The following SORCS2 variants were observed in gnomAD, a reference collection of about 807,000 sequenced individuals.
The protein encoded by SORCS2 is VPS10 domain-containing receptor SorCS2.
In SORCS2, 100 loss-of-function variants were observed where a neutral mutation model predicts 141.6. The ratio of observed to expected loss-of-function variants is 0.71; its 90% CI spans 0.60 to 0.83. SORCS2 has a LOEUF of 0.83. Ranked by LOEUF, SORCS2 falls within the 40% of genes least tolerant of loss-of-function variation. The probability of loss-of-function intolerance (pLI) is 0.00; values close to 1 mark genes in which losing one functional copy is unlikely to be tolerated. For synonymous variants in SORCS2, 789 were observed against 676.9 expected, an observed-to-expected ratio of 1.17 and a Z score of -2.57; for missense variants, 1,646 against 1,560.2, an observed-to-expected ratio of 1.05 and a Z score of -0.93.
chr4:7,207,166 T>C (rs1014551403), intron 1 of SORCS2, among the ~76,000 whole-genome samples: 2 of 152,188 alleles, frequency 1.3e-5, no homozygotes, highest in African/African-American at 4.8e-5. Flanking sequence ...GGCCTTCTAA[T>C]GGAGGGAGCC....
intron 1 of SORCS2, among the ~76,000 whole-genome samples, chr4:7,317,133 C>T (rs1339921807): frequency 6.6e-6 from 1 of 152,180 alleles, no homozygotes; most frequent in East Asian, 1.9e-4. Flanking sequence ...AGAGCTTGCT[C>T]AGTCAACATT....
chr4:7,622,684 C>T (rs1719281421), intron 3 of SORCS2, among the ~76,000 whole-genome samples: 1 of 152,104 alleles, frequency 6.6e-6, no homozygotes, highest in Non-Finnish European at 1.5e-5. Context: ...GGACGGATAT[C>T]TGTTCTTCCA....
At chr4:7,576,858 C>T (rs1172547891) in intron 3 of SORCS2, among the ~76,000 whole-genome samples, 3 of 152,166 alleles carry the variant, frequency 2.0e-5, no homozygotes, top group Non-Finnish European at 4.4e-5. Context: ...TCATGCGTGC[C>T]CCACCCAGCG....
intron 12 of SORCS2, among the ~76,000 whole-genome samples, chr4:7,700,423 G>C (rs1329182286): frequency 6.6e-6 from 1 of 152,122 alleles, no homozygotes; most frequent in Non-Finnish European, 1.5e-5. Context: ...TGAATCTGTA[G>C]GGGCCAGGCC....
intron 2 of SORCS2, among the ~76,000 whole-genome samples, chr4:7,447,021 G>T (rs1209749191): frequency 6.6e-6 from 1 of 152,218 alleles, no homozygotes; most frequent in Non-Finnish European, 1.5e-5. Flanking sequence ...TACATCCGGG[G>T]CTGGCTCTCC....
At chr4:7,528,802 C>T (rs189228729) in intron 2 of SORCS2, among the ~76,000 whole-genome samples, 6 of 151,976 alleles carry the variant, frequency 3.9e-5, no homozygotes, top group South Asian at 2.1e-4. Context: ...ACCACTGTGG[C>T]GAACTCTCTC....
intron 3 of SORCS2, among the ~76,000 whole-genome samples, chr4:7,581,279 C>A (rs1716125245): frequency 2.0e-5 from 3 of 151,730 alleles, no homozygotes; most frequent in Admixed American, 2.0e-4. Flanking sequence ...CTCAGCCTCA[C>A]TCTTAATGAA....
intron 1 of SORCS2, among the ~76,000 whole-genome samples, chr4:7,277,609 G>A (rs1347888203): frequency 1.3e-5 from 2 of 152,126 alleles, no homozygotes; most frequent in Non-Finnish European, 2.9e-5. Context: ...AGAGATGATT[G>A]GATTAGACGG....
At chr4:7,388,039 C>CCCACCAT in intron 1 of SORCS2, among the ~76,000 whole-genome samples, 1 of 148,534 alleles carries the variant, frequency 6.7e-6, no homozygotes, top group Non-Finnish European at 1.5e-5. Context: ...CGCACACATG[C>CCCACCAT]ACACACACAT....
At chr4:7,424,918 T>C (rs574977523) in intron 2 of SORCS2, among the ~76,000 whole-genome samples, 1 of 152,310 alleles carries the variant, frequency 6.6e-6, no homozygotes, top group South Asian at 2.1e-4. Flanking sequence ...GGGCAGGCAC[T>C]CTGCTCCCAG....
chr4:7,285,035 TA>T (rs200661579), intron 1 of SORCS2, among the ~76,000 whole-genome samples: 3,143 of 76,344 alleles, frequency 0.041, 46 homozygotes, highest in Admixed American at 0.059. Flanking sequence ...TATATATATA[TA>T]TTTTTTTTTT....
intron 1 of SORCS2, among the ~76,000 whole-genome samples, chr4:7,327,476 C>T (rs530924465): frequency 6.6e-6 from 1 of 152,322 alleles, no homozygotes; most frequent in South Asian, 2.1e-4. Context: ...TCTGCAAAGA[C>T]CCCATTTCCA....
At chr4:7,372,434 G>A (rs1722317520) in intron 1 of SORCS2, among the ~76,000 whole-genome samples, 1 of 152,086 alleles carries the variant, frequency 6.6e-6, no homozygotes. Flanking sequence ...AGCCTCCCAA[G>A]TAGCTGGGAT....
At chr4:7,348,719 T>C (rs996139287) in intron 1 of SORCS2, among the ~76,000 whole-genome samples, 1 of 152,160 alleles carries the variant, frequency 6.6e-6, no homozygotes, top group Non-Finnish European at 1.5e-5. Flanking sequence ...GTCTGGCTAA[T>C]TTTTTGTATT....
At chr4:7,262,088 A>AG (rs1252833196) in intron 1 of SORCS2, among the ~76,000 whole-genome samples, 1 of 152,172 alleles carries the variant, frequency 6.6e-6, no homozygotes, top group Admixed American at 6.5e-5. Context: ...GCATTCATAC[A>AG]GGGGGAAGAT....
At chr4:7,640,258 ATGTATGTGAG>A (rs1720618436) in intron 4 of SORCS2, among the ~76,000 whole-genome samples, 3 of 112,518 alleles carry the variant, frequency 2.7e-5, no homozygotes, top group South Asian at 3.0e-4. Flanking sequence ...GTGAGTGTGT[ATGTATGTGAG>A]CATGTGTGGG....
At chr4:7,268,189 A>G (rs1714876638) in intron 1 of SORCS2, among the ~76,000 whole-genome samples, 1 of 152,164 alleles carries the variant, frequency 6.6e-6, no homozygotes, top group Admixed American at 6.5e-5. Flanking sequence ...AATTCATTGC[A>G]TCTGTGAGAG....
At chr4:7,418,131 C>CT (rs1220479932) in intron 2 of SORCS2, among the ~76,000 whole-genome samples, 1 of 152,158 alleles carries the variant, frequency 6.6e-6, no homozygotes, top group Non-Finnish European at 1.5e-5. Context: ...TCCTCCTTCC[C>CT]TTTTTTCTGA....
intron 1 of SORCS2, among the ~76,000 whole-genome samples, chr4:7,237,221 T>C (rs967497866): frequency 6.6e-6 from 1 of 152,244 alleles, no homozygotes; most frequent in African/African-American, 2.4e-5. Context: ...CAAAATTGAT[T>C]GCAATAAAAA....
Sources: allele counts gnomAD v4.1 joint callset (sites outside exome capture counted in the v4.1 genomes callset), GRCh38; gene constraint gnomAD v4.1.1; transcripts MANE v1.5; gene names NCBI Gene and HGNC (gene_info 2026-07-23, HGNC 2026-07-21).